The following KDM4D variants were observed in gnomAD, a reference collection of about 807,000 sequenced individuals.
The protein encoded by KDM4D is lysine-specific demethylase 4D.
For synonymous variants in KDM4D, 254 were observed against 249.1 expected, an observed-to-expected ratio of 1.02 and a Z score of -0.19; for missense variants, 427 against 674.8, an observed-to-expected ratio of 0.63 and a Z score of 4.07.
chr11:94,998,035 G>GCGCCTGGAA lies in KDM4D; in HGVS notation c.671_679dup (p.Glu224_Leu226dup). ...ATGTGGTGCCCCCAGAACATGGCCAGCGCCTGGAACGCCTGGCCAGGGAGC... is the reference window on the plus strand; with the variant it reads ...ATGTGGTGCCCCCAGAACATGGCCAGCGCCTGGAACGCCTGGAACGCCTGGCCAGGGAGC... On this transcript the variant is annotated inframe_insertion, in exon 3 of 3. Transcript: ENST00000335080. This position sits in a 1 kb window ranked among gnomAD's most constrained non-coding sequence, Gnocchi z 6.7. 1 of 1,614,260 alleles carries GCGCCTGGAA rather than the reference G, an allele frequency of 6.2e-7. No homozygotes were observed. The highest frequency in any genetic ancestry group is 8.5e-7 in the Non-Finnish European group (1 of 1,180,052).
chr11:94,987,973 T>C (rs971697730), intron 2 of KDM4D, among the ~76,000 whole-genome samples: 2 of 152,132 alleles, frequency 1.3e-5, no homozygotes, highest in Non-Finnish European at 2.9e-5. Context: ...TACTGGTATT[T>C]CCAGAGAAGG....
chr11:94,980,271 G>A lies in KDM4D; in HGVS notation c.-350+4523G>A, dbSNP rs12281343. ...GGTATTATCTTCTAAAGGTTTCATA[G>A]CTGCACATGAAATTCATTTTTGTGC... On this transcript the variant is annotated intron_variant, in intron 2 of 2. Transcript: ENST00000335080. Among the ~76,000 whole-genome samples, 457 of 152,214 alleles carry A rather than the reference G, an allele frequency of 3.0e-3. 1 individual carries two copies. The highest frequency in any genetic ancestry group is 0.01 in the African/African-American group (435 of 41,532).
chr11:94,993,534 C>T (rs587753902), intron 2 of KDM4D, among the ~76,000 whole-genome samples: 8 of 141,330 alleles, frequency 5.7e-5, no homozygotes, highest in Non-Finnish European at 7.6e-5. Flanking sequence ...TTTTTTGGAG[C>T]GCAGTCACAC....
At chr11:94,979,823 T>C (rs868979791) in intron 2 of KDM4D, among the ~76,000 whole-genome samples, 42 of 152,336 alleles carry the variant, frequency 2.8e-4, no homozygotes, top group African/African-American at 9.4e-4. Flanking sequence ...ATTTTTCATA[T>C]ATATATTTCA....
chr11:94,984,831 C>G (rs2134111348), intron 2 of KDM4D, among the ~76,000 whole-genome samples: 1 of 151,762 alleles, frequency 6.6e-6, no homozygotes, highest in African/African-American at 2.4e-5. Context: ...CGTGCCATTG[C>G]ACTCCAGCCT....
Position 94,998,972 on chromosome 11 carries a change from G to A in KDM4D, c.*28G>A. 6.7e-7 allele frequency: 1 copy of A among 1,484,876 alleles called. No individual in the cohort carries two copies. The highest frequency in any genetic ancestry group is 1.5e-5 in the South Asian group (1 of 65,528). 92.0% of individuals were successfully genotyped at this position (1,484,876 alleles called of 1,614,324 possible). A position where few individuals can be genotyped will look rare whatever the true frequency, so the allele number is the denominator to read the frequency against. Reference sequence around the variant, plus strand: ...CCACGGGCTGTCTTTATATCCCACTGCCCTGCTGTGTGACAGTTTGATGAA... The same window carrying A: ...CCACGGGCTGTCTTTATATCCCACTACCCTGCTGTGTGACAGTTTGATGAA... On this transcript the variant is annotated 3_prime_UTR_variant, in exon 3 of 3. Coordinates refer to ENST00000335080, the MANE Select transcript of KDM4D (RefSeq NM_018039.3). This position sits in a 1 kb window ranked among gnomAD's most constrained non-coding sequence, Gnocchi z 6.7.
Position 94,974,016 on chromosome 11 carries a change from T to C in KDM4D, c.-497T>C, listed in dbSNP as rs1857773463. The C allele has an allele frequency of 6.6e-6, 1 of 152,252 alleles. No individual in the cohort carries two copies. The highest frequency in any genetic ancestry group is 2.1e-4 in the South Asian group (1 of 4,830). The allele number at this position is 152,252 out of a possible 1,614,324, so 9.4% of individuals were successfully genotyped here. A position where few individuals can be genotyped will look rare whatever the true frequency, so the allele number is the denominator to read the frequency against. ...CGGAAAAACTAGTGTTTTCATTTAATTGGATATGAAGAAAGAACAAATATG... is the reference window on the plus strand; with the variant it reads ...CGGAAAAACTAGTGTTTTCATTTAACTGGATATGAAGAAAGAACAAATATG... On this transcript the variant is annotated 5_prime_UTR_variant, in exon 1 of 3. Coordinates refer to ENST00000335080, the MANE Select transcript of KDM4D (RefSeq NM_018039.3).
At position 94,998,451 on chromosome 11, in the gene KDM4D, C is replaced by A; in HGVS notation, c.1079C>A (p.Thr360Asn). 6.2e-7 allele frequency: 1 copy of A among 1,613,324 alleles called. No individual in the cohort carries two copies. Among genetic ancestry groups the A allele is most frequent in the South Asian group, 1.1e-5 (1 of 91,080 alleles). ...GTACCAGCCAGCCAAGAGCTGAGCA[C>A]CCAGAAGGAAGTCCAGTTACCCAGG... ...PRVPASQELS[T>N]QKEVQLPRRA... Residue 360 changes from threonine (T) to asparagine (N), a missense_variant, in exon 3 of 3, where the codon ACC (threonine) becomes AAC (asparagine). Thr to Asn is a moderately conservative substitution (Grantham distance 65). Transcript: ENST00000335080. This position sits in a 1 kb window ranked among gnomAD's most constrained non-coding sequence, Gnocchi z 6.7.
chr11:94,981,399 G>C (rs1857841865), intron 2 of KDM4D, among the ~76,000 whole-genome samples: 1 of 151,836 alleles, frequency 6.6e-6, no homozygotes, highest in Non-Finnish European at 1.5e-5. Context: ...TCTATTCTCT[G>C]AGAAAATTTA....
At position 94,994,577 on chromosome 11, in the gene KDM4D, G is replaced by T. The variant is rs183713745; in HGVS notation, c.-349-2447G>T. Among the ~76,000 whole-genome samples the T allele has an allele frequency of 1.8e-4, 28 of 152,232 alleles. No homozygotes were observed. The East Asian group carries it at 5.2e-3, about 28-fold the overall frequency. ...AGAAAGAAAAGAACCAGTGTTAAAA[G>T]AAGTATCAGTGCCCTGGAGGTTGTA... On this transcript the variant is annotated intron_variant, in intron 2 of 2. Transcript: ENST00000335080.
At position 94,998,812 on chromosome 11, in the gene KDM4D, A is replaced by C. The variant is rs1858001529; in HGVS notation, c.1440A>C (p.Thr480=). 1 of 1,601,376 alleles carries C rather than the reference A, an allele frequency of 6.2e-7. No homozygotes were observed. The highest frequency in any genetic ancestry group is 1.3e-5 in the African/African-American group (1 of 74,492). The change falls in exon 3 of 3, where the codon ACA becomes ACC. Residue 480 remains threonine, a synonymous_variant. Coordinates refer to ENST00000335080, the MANE Select transcript of KDM4D (RefSeq NM_018039.3). This position sits in a 1 kb window ranked among gnomAD's most constrained non-coding sequence, Gnocchi z 6.7. Reference sequence around the variant, plus strand: ...AGAGGCCCCTCTTGGCGGGCACAACATGCACAGCTTCGGGCCCAGAACCTG... The same window carrying C: ...AGAGGCCCCTCTTGGCGGGCACAACCTGCACAGCTTCGGGCCCAGAACCTG... ...PAKRPLLAGT[T]CTASGPEPEP...
Position 94,998,586 on chromosome 11 carries a change from T to A in KDM4D, c.1214T>A (p.Leu405His), listed in dbSNP as rs781906562. The change falls in exon 3 of 3, where the codon CTC (leucine) becomes CAC (histidine). Residue 405 changes from leucine to histidine, a missense_variant. Transcript: ENST00000335080. The surrounding 1 kb of genome is among the most constrained non-coding windows in gnomAD (Gnocchi z 6.7). Reference sequence around the variant, plus strand: ...TGCCACACCCTTGTGTGCTCTTCACTCCCACGCCGATCTGCAGTTAGTGGC... The same window carrying A: ...TGCCACACCCTTGTGTGCTCTTCACACCCACGCCGATCTGCAGTTAGTGGC... ...TRCHTLVCSS[L>H]PRRSAVSGTA... is the part of the protein sequence containing the mutation. 34 of 1,613,914 alleles carry A rather than the reference T, an allele frequency of 2.1e-5. No homozygotes were observed. Among genetic ancestry groups the A allele is most frequent in the Non-Finnish European group, 2.8e-5 (33 of 1,180,028 alleles).
chr11:94,992,841 A>T (rs1857946544), intron 2 of KDM4D, among the ~76,000 whole-genome samples: 1 of 152,172 alleles, frequency 6.6e-6, no homozygotes, highest in Admixed American at 6.5e-5. Flanking sequence ...ACAGAGTAGA[A>T]TTTTTTCAGT....
At chr11:94,979,470 T>TA (rs782380554) in intron 2 of KDM4D, among the ~76,000 whole-genome samples, 1 of 152,212 alleles carries the variant, frequency 6.6e-6, no homozygotes, top group Non-Finnish European at 1.5e-5. Flanking sequence ...CCTCAAGTGA[T>TA]ACACCTGCCT....
At chr11:94,976,178 A>T (rs1323643583) in intron 2 of KDM4D, among the ~76,000 whole-genome samples, 2 of 152,212 alleles carry the variant, frequency 1.3e-5, no homozygotes, top group Non-Finnish European at 2.9e-5. Flanking sequence ...AAGAATTCTT[A>T]TGTTAAACCT....
intron 2 of KDM4D, among the ~76,000 whole-genome samples, chr11:94,988,073 T>G (rs1555098291): frequency 6.6e-6 from 1 of 152,112 alleles, no homozygotes; most frequent in East Asian, 1.9e-4. Flanking sequence ...TATTGAAAAT[T>G]CTAGCACAAT....
Position 94,997,616 on chromosome 11 carries a change from C to G in KDM4D, c.244C>G (p.Arg82Gly). The change falls in exon 3 of 3, where the codon CGG becomes GGG. Residue 82 changes from arginine (R) to glycine (G), a missense_variant. Transcript: ENST00000335080. ...TCCCCTCCAGCAGGTGGCCTCTGGG[C>G]GGGCAGGGGTGTTTACTCAATACCA... ...ATPLQQVASG[R>G]AGVFTQYHKK... 1 of 1,613,542 alleles carries G rather than the reference C, an allele frequency of 6.2e-7. No individual in the cohort carries two copies. Among genetic ancestry groups the G allele is most frequent in the Non-Finnish European group, 8.5e-7 (1 of 1,179,832 alleles).
chr11:94,988,404 C>G (rs1278514723), intron 2 of KDM4D, among the ~76,000 whole-genome samples: 3 of 152,182 alleles, frequency 2.0e-5, no homozygotes, highest in Non-Finnish European at 4.4e-5. Context: ...CCTGCCTCAT[C>G]AAGGTCAAAG....
intron 2 of KDM4D, among the ~76,000 whole-genome samples, chr11:94,989,268 A>G (rs1204471628): frequency 6.6e-6 from 1 of 152,246 alleles, no homozygotes; most frequent in Non-Finnish European, 1.5e-5. Flanking sequence ...GTCCAAACTT[A>G]CATGCTACTC....
Sources: gnomAD v4.1 joint callset for allele counts (sites outside exome capture counted in the v4.1 genomes callset) on GRCh38, gnomAD v4.1.1 for gene constraint, Gnocchi (gnomAD v3.1) non-coding constraint, MANE v1.5 for transcripts, NCBI Gene and HGNC (gene_info 2026-07-23, HGNC 2026-07-21) for gene names.